GCNT1: variants seen among roughly 807,000 people sequenced by gnomAD.
GCNT1 encodes the protein beta-1,3-galactosyl-O-glycosyl-glycoprotein beta-1,6-N-acetylglucosaminyltransferase.
GCNT1 carries 16 observed loss-of-function variants against 26.2 expected under a neutral mutation model. The ratio of observed to expected loss-of-function variants is 0.61; its 90% CI spans 0.41 to 0.93. GCNT1 has a LOEUF of 0.93. GCNT1 is among the 40% of genes least tolerant of loss of function. GCNT1 has a pLI of 0.00. For missense variants in GCNT1, 477 were observed against 526.7 expected (o/e 0.91, Z 0.92); for synonymous variants, 183 against 190.8 (o/e 0.96, Z 0.34).
At chr9:76,483,419 T>G (rs991762202) in intron 2 of GCNT1, among the ~76,000 whole-genome samples, 10 of 152,034 alleles carry the variant, frequency 6.6e-5, no homozygotes, top group African/African-American at 2.2e-4. Flanking sequence ...TTTTTATTGT[T>G]TTTTGTTTTA....
Position 76,460,114 on chromosome 9 carries a change from C to T in GCNT1, c.-353C>T, listed in dbSNP as rs148129490. 6.6e-6 allele frequency: 1 copy of T among 152,404 alleles called. No individual in the cohort carries two copies. Among genetic ancestry groups the T allele is most frequent in the East Asian group, 1.9e-4 (1 of 5,180 alleles). The allele number at this position is 152,404 out of a possible 1,614,324, so 9.4% of individuals were successfully genotyped here. ...CTGTCACGCCTCCCTCTCCTCTTCCCGTCTCCCAGCGTGGATGAGGGCGCC... is the reference window on the plus strand; with the variant it reads ...CTGTCACGCCTCCCTCTCCTCTTCCTGTCTCCCAGCGTGGATGAGGGCGCC... On this transcript the variant is annotated 5_prime_UTR_variant, in exon 2 of 4. Coordinates refer to ENST00000376730, the MANE Select transcript of GCNT1 (RefSeq NM_001490.5).
At chr9:76,395,938 C>A in the GCNT1 span, among the ~76,000 whole-genome samples, 1 of 152,198 alleles carries the variant, frequency 6.6e-6, no homozygotes, top group African/African-American at 2.4e-5. Flanking sequence ...ATGGTAATTT[C>A]ATCTGCTTCT....
the GCNT1 span, among the ~76,000 whole-genome samples, chr9:76,411,690 A>G: frequency 9.1e-5 from 11 of 120,254 alleles, no homozygotes; most frequent in Admixed American, 1.8e-4. Context: ...TTAACACATC[A>G]ATTATACTTT....
chr9:76,394,399 G>C, the GCNT1 span: 1 of 472,662 alleles, frequency 2.1e-6, no homozygotes, highest in South Asian at 3.1e-5. Context: ...GTCTCCGCTG[G>C]AGGGCAGCGG....
intron 1 of GCNT1, 146 bp from the exon 2 acceptor site, chr9:76,459,914 G>A (rs2131593094): frequency 6.6e-6 from 1 of 152,234 alleles, no homozygotes; most frequent in East Asian, 1.9e-4. Flanking sequence ...ACGAAAACAA[G>A]TGATTCGTCT....
the GCNT1 span, chr9:76,398,884 T>A: frequency 6.5e-7 from 1 of 1,530,590 alleles, no homozygotes; most frequent in Non-Finnish European, 9.0e-7. Context: ...TGCTGGCAGC[T>A]AGTGCTATTG....
intron 2 of GCNT1, among the ~76,000 whole-genome samples, chr9:76,480,788 C>T (rs57011789): frequency 0.028 from 4,289 of 152,202 alleles, 198 homozygotes; most frequent in African/African-American, 0.098. Context: ...GTCATTAATT[C>T]AGGCATGGAG....
At chr9:76,463,039 C>T (rs1032000768) in intron 2 of GCNT1, among the ~76,000 whole-genome samples, 3 of 152,114 alleles carry the variant, frequency 2.0e-5, no homozygotes, top group Non-Finnish European at 2.9e-5. Flanking sequence ...TGAAAAATCT[C>T]GACTTTCTCA....
At chr9:76,437,276 G>A (rs1435397837), upstream of GCNT1, among the ~76,000 whole-genome samples, 1 of 152,062 alleles carries the variant, frequency 6.6e-6, no homozygotes, top group Admixed American at 6.6e-5. Flanking sequence ...TAAGTCACAG[G>A]ATGAGCTGGG....
chr9:76,431,194 C>G (rs369134340), intron 1 of GCNT1, among the ~76,000 whole-genome samples: 1 of 152,120 alleles, frequency 6.6e-6, no homozygotes, highest in Non-Finnish European at 1.5e-5. Context: ...CTAACAATAA[C>G]TAGGTGCACT....
intron 1 of GCNT1, among the ~76,000 whole-genome samples, chr9:76,444,660 T>C (rs1247610724): frequency 1.3e-5 from 2 of 152,196 alleles, no homozygotes; most frequent in East Asian, 3.8e-4. Context: ...GGGTTTAATA[T>C]AATTTGGAGA....
intron 2 of GCNT1, among the ~76,000 whole-genome samples, chr9:76,498,553 A>C (rs1440014587): frequency 6.6e-6 from 1 of 152,108 alleles, no homozygotes; most frequent in Non-Finnish European, 1.5e-5. Context: ...CAGGCAGATC[A>C]CCTGAGGTCA....
At chr9:76,484,870 C>G (rs1344203745) in intron 2 of GCNT1, among the ~76,000 whole-genome samples, 1 of 149,334 alleles carries the variant, frequency 6.7e-6, no homozygotes, top group East Asian at 2.0e-4. Flanking sequence ...GTCACTGCAA[C>G]CTCCGCCTCC....
At chr9:76,446,243 A>T (rs1315995286) in intron 1 of GCNT1, among the ~76,000 whole-genome samples, 1 of 152,146 alleles carries the variant, frequency 6.6e-6, no homozygotes, top group African/African-American at 2.4e-5. Context: ...GAGTGACTCC[A>T]GTGCCCTTCT....
At chr9:76,423,105 G>A (rs1252502833) in intron 1 of GCNT1, among the ~76,000 whole-genome samples, 1 of 152,162 alleles carries the variant, frequency 6.6e-6, no homozygotes, top group Non-Finnish European at 1.5e-5. Context: ...ATTGTAAACT[G>A]AGAAATATCT....
intron 1 of GCNT1, among the ~76,000 whole-genome samples, chr9:76,432,997 C>G (rs1357496674): frequency 1.3e-5 from 2 of 152,078 alleles, no homozygotes; most frequent in African/African-American, 2.4e-5. Context: ...AGCCCCATAC[C>G]CAGCCACACT....
the GCNT1 span, chr9:76,394,459 G>T: frequency 1.3e-5 from 4 of 319,300 alleles, no homozygotes; most frequent in African/African-American, 4.4e-5. Flanking sequence ...GGAGGGGGCG[G>T]CCCGAAGCGC....
At chr9:76,396,710 C>T in the GCNT1 span, among the ~76,000 whole-genome samples, 8 of 151,980 alleles carry the variant, frequency 5.3e-5, no homozygotes, top group Admixed American at 3.3e-4. Flanking sequence ...GGAGTGGTGG[C>T]GCTCACCTGT....
chr9:76,479,160 A>G (rs977180718), intron 2 of GCNT1, among the ~76,000 whole-genome samples: 1 of 152,170 alleles, frequency 6.6e-6, no homozygotes, highest in African/African-American at 2.4e-5. Context: ...TTCCAGCTTC[A>G]TCCATGTCCC....
Sources: allele counts gnomAD v4.1 joint callset (sites outside exome capture counted in the v4.1 genomes callset), GRCh38; gene constraint gnomAD v4.1.1; transcripts MANE v1.5; gene names NCBI Gene and HGNC (gene_info 2026-07-23, HGNC 2026-07-21).